LRRC4C: variants seen among roughly 807,000 people sequenced by gnomAD.
LRRC4C encodes the protein leucine rich repeat containing 4C, also known as leucine-rich repeat-containing protein 4C.
In LRRC4C, 5 loss-of-function variants were observed where a neutral mutation model predicts 33.6. That is an observed-to-expected ratio of 0.15 (90% confidence interval 0.08 to 0.31). The LOEUF (loss-of-function observed/expected upper bound fraction) is 0.31, where lower values mean the gene tolerates loss of function less well. Ranked by LOEUF, LRRC4C falls within the 10% of genes least tolerant of loss-of-function variation. LRRC4C has a pLI of 1.00. For missense variants in LRRC4C, 560 were observed against 796.7 expected (o/e 0.70, Z 3.58); for synonymous variants, 329 against 302.0 (o/e 1.09, Z -0.93).
intron 1 of LRRC4C, among the ~76,000 whole-genome samples, chr11:40,995,160 A>G (rs982465141): frequency 5.3e-5 from 8 of 152,146 alleles, no homozygotes; most frequent in African/African-American, 1.9e-4. Context: ...AAGCAGGTAC[A>G]CTAGGAATCA....
At chr11:40,535,900 C>T (rs1349699127) in intron 3 of LRRC4C, among the ~76,000 whole-genome samples, 1 of 152,132 alleles carries the variant, frequency 6.6e-6, no homozygotes, top group Non-Finnish European at 1.5e-5. Context: ...TGTACTTTTT[C>T]CAAAAGGCTT....
intron 3 of LRRC4C, among the ~76,000 whole-genome samples, chr11:40,337,001 A>AT: frequency 7.1e-6 from 1 of 141,148 alleles, no homozygotes; most frequent in Admixed American, 7.3e-5. Flanking sequence ...AAAAAAAAAA[A>AT]AAAAAGAGCG....
chr11:40,583,510 C>T (rs1433151080), intron 3 of LRRC4C, among the ~76,000 whole-genome samples: 3 of 152,140 alleles, frequency 2.0e-5, no homozygotes, highest in Non-Finnish European at 4.4e-5. Flanking sequence ...CCATCTTCCT[C>T]ATCTCTATTT....
At chr11:41,135,120 A>G (rs1006450969) in intron 1 of LRRC4C, among the ~76,000 whole-genome samples, 3 of 152,040 alleles carry the variant, frequency 2.0e-5, no homozygotes, top group African/African-American at 2.4e-5. Context: ...ACATTGACAC[A>G]TGGCCATAAG....
chr11:41,351,336 G>C (rs1188983428), intron 1 of LRRC4C, among the ~76,000 whole-genome samples: 4 of 152,066 alleles, frequency 2.6e-5, no homozygotes, highest in Admixed American at 6.6e-5. Flanking sequence ...CTGGGAAATA[G>C]GGAATTATAT....
chr11:40,710,843 G>A (rs1334177595), intron 2 of LRRC4C, among the ~76,000 whole-genome samples: 1 of 152,198 alleles, frequency 6.6e-6, no homozygotes, highest in African/African-American at 2.4e-5. Context: ...GTTGAGCTGA[G>A]GTGGGCTCCA....
chr11:40,943,178 G>A (rs1359433121), intron 1 of LRRC4C, among the ~76,000 whole-genome samples: 2 of 152,174 alleles, frequency 1.3e-5, no homozygotes, highest in African/African-American at 4.8e-5. Context: ...TGGTGCAGAA[G>A]AAATGACTAA....
At chr11:41,054,011 T>G (rs4488182) in intron 1 of LRRC4C, among the ~76,000 whole-genome samples, 28,244 of 152,180 alleles carry the variant, frequency 0.19, 2,860 homozygotes, top group Middle Eastern at 0.26. Flanking sequence ...TAGGTTAGCA[T>G]GACTGGAACT....
chr11:40,710,058 T>A (rs1946382963), intron 2 of LRRC4C, among the ~76,000 whole-genome samples: 1 of 152,148 alleles, frequency 6.6e-6, no homozygotes, highest in African/African-American at 2.4e-5. Context: ...TAAGGTCTTC[T>A]CTACACTGTT....
At chr11:41,102,864 T>C (rs1481683109) in intron 1 of LRRC4C, among the ~76,000 whole-genome samples, 2 of 152,026 alleles carry the variant, frequency 1.3e-5, no homozygotes, top group East Asian at 1.9e-4. Context: ...CTATGCTTGA[T>C]GTGTAAAGCT....
chr11:40,848,723 T>C (rs1953326525), intron 2 of LRRC4C, among the ~76,000 whole-genome samples: 1 of 152,170 alleles, frequency 6.6e-6, no homozygotes, highest in African/African-American at 2.4e-5. Context: ...CTCATTGATT[T>C]GTCTAATATT....
chr11:40,336,947 A>C (rs556528939), intron 3 of LRRC4C, among the ~76,000 whole-genome samples: 8 of 120,620 alleles, frequency 6.6e-5, no homozygotes, highest in South Asian at 2.6e-4. Flanking sequence ...ACTGCACTCC[A>C]GCCTGGGGGA....
At chr11:40,865,102 A>T (rs2135885286) in intron 2 of LRRC4C, among the ~76,000 whole-genome samples, 1 of 152,314 alleles carries the variant, frequency 6.6e-6, no homozygotes, top group African/African-American at 2.4e-5. Flanking sequence ...TAATTTCATA[A>T]AAAAGGAAAT....
intron 3 of LRRC4C, among the ~76,000 whole-genome samples, chr11:40,449,035 C>G (rs1225634959): frequency 1.3e-5 from 2 of 152,104 alleles, no homozygotes; most frequent in African/African-American, 4.8e-5. Flanking sequence ...TTGTTGGCTG[C>G]ATAAATGTCT....
intron 4 of LRRC4C, among the ~76,000 whole-genome samples, chr11:40,275,291 T>C (rs138366110): frequency 6.6e-6 from 1 of 151,110 alleles, no homozygotes; most frequent in Non-Finnish European, 1.5e-5. Flanking sequence ...CATATTAGAA[T>C]AATATGCAAA....
At chr11:41,011,481 T>C (rs1855174496) in intron 1 of LRRC4C, among the ~76,000 whole-genome samples, 1 of 152,188 alleles carries the variant, frequency 6.6e-6, no homozygotes, top group Non-Finnish European at 1.5e-5. Context: ...TTTATTCTAC[T>C]TTATTTTCTG....
At chr11:41,079,451 C>T (rs537412558) in intron 1 of LRRC4C, among the ~76,000 whole-genome samples, 1 of 152,312 alleles carries the variant, frequency 6.6e-6, no homozygotes, top group South Asian at 2.1e-4. Flanking sequence ...ATACTATTCA[C>T]TCCCAATAAA....
At chr11:41,345,371 A>G (rs1951770090) in intron 1 of LRRC4C, among the ~76,000 whole-genome samples, 1 of 152,250 alleles carries the variant, frequency 6.6e-6, no homozygotes, top group Admixed American at 6.5e-5. Context: ...ATTTTAAAAA[A>G]TAAAACAAAA....
intron 2 of LRRC4C, among the ~76,000 whole-genome samples, chr11:40,791,263 T>C (rs1286908819): frequency 1.3e-5 from 2 of 152,166 alleles, no homozygotes; most frequent in Non-Finnish European, 2.9e-5. Context: ...GCAAATAAAC[T>C]CTATTGATTT....
Sources: gnomAD v4.1 joint callset for allele counts (sites outside exome capture counted in the v4.1 genomes callset) on GRCh38, gnomAD v4.1.1 for gene constraint, MANE v1.5 for transcripts, NCBI Gene and HGNC (gene_info 2026-07-23, HGNC 2026-07-21) for gene names.